Variants in SLC9A9 observed in about 807,000 individuals in gnomAD.
SLC9A9 encodes sodium/hydrogen exchanger 9.
A neutral mutation model predicts 77.8 loss-of-function variants in SLC9A9; 62 were observed. The observed-to-expected ratio is 0.80, with a 90% CI of 0.65 to 0.98. SLC9A9 has a LOEUF of 0.98. SLC9A9 is among the 50% of genes least tolerant of loss of function. The pLI, the probability that SLC9A9 is intolerant of heterozygous loss-of-function variation, is 0.00. For synonymous variants in SLC9A9, 320 were observed against 283.5 expected, an observed-to-expected ratio of 1.13 and a Z score of -1.29; for missense variants, 775 against 774.9, an observed-to-expected ratio of 1.00 and a Z score of 0.00.
chr3:143,559,774 A>G (rs906619697), intron 8 of SLC9A9, among the ~76,000 whole-genome samples: 5 of 152,232 alleles, frequency 3.3e-5, no homozygotes, highest in African/African-American at 4.8e-5. Context: ...CAAATAAGCT[A>G]TGAGGTTTAA....
At chr3:143,503,718 C>A in intron 9 of SLC9A9, 1 of 369,634 alleles carries the variant, frequency 2.7e-6, no homozygotes, top group Admixed American at 3.4e-5. Flanking sequence ...CACCCATGGT[C>A]TTCTAGGTGG....
At position 143,436,831 on chromosome 3, in the gene SLC9A9, T is replaced by G. The variant is rs148768180; in HGVS notation, c.1469+30206A>C. Among the ~76,000 whole-genome samples the G allele has an allele frequency of 3.2e-3, 485 of 152,318 alleles. 2 individuals carry two copies. Among genetic ancestry groups the G allele is most frequent in the African/African-American group, 0.011 (460 of 41,568 alleles). The stretch of plus-strand genomic sequence containing the variant: ...GAGTTGGCTGTGTCTTTGTCAGCAC[T>G]GCCACTCTGCCTAGGTGGGGTCTTC... On this transcript the variant is annotated intron_variant, in intron 12 of 15. Transcript: ENST00000316549.
At chr3:143,804,615 T>C (rs888975901) in intron 2 of SLC9A9, among the ~76,000 whole-genome samples, 16 of 152,224 alleles carry the variant, frequency 1.1e-4, no homozygotes, top group African/African-American at 3.6e-4. Flanking sequence ...TGTGTCTACC[T>C]GCTAACTGGA....
intron 2 of SLC9A9, among the ~76,000 whole-genome samples, chr3:143,825,025 A>C (rs2009263612): frequency 6.6e-6 from 1 of 152,218 alleles, no homozygotes; most frequent in Non-Finnish European, 1.5e-5. Context: ...AGAGAAACAC[A>C]AATCATGGAG....
chr3:143,819,967 C>T (rs1318588549), intron 2 of SLC9A9, among the ~76,000 whole-genome samples: 2 of 152,174 alleles, frequency 1.3e-5, no homozygotes, highest in African/African-American at 2.4e-5. Flanking sequence ...TAGCCAAGGC[C>T]TCGACTCAAA....
intron 14 of SLC9A9, among the ~76,000 whole-genome samples, chr3:143,360,312 ATT>A (rs1352262607): frequency 3.9e-5 from 6 of 152,198 alleles, no homozygotes; most frequent in Non-Finnish European, 8.8e-5. Context: ...CATTAGTTCC[ATT>A]TCTCATCTCT....
At chr3:143,323,845 C>T (rs1369700700) in intron 14 of SLC9A9, among the ~76,000 whole-genome samples, 1 of 152,060 alleles carries the variant, frequency 6.6e-6, no homozygotes, top group African/African-American at 2.4e-5. Flanking sequence ...CATACAGCTC[C>T]ATTTATAATA....
At chr3:143,612,954 A>T (rs568809054) in intron 6 of SLC9A9, among the ~76,000 whole-genome samples, 20 of 152,318 alleles carry the variant, frequency 1.3e-4, no homozygotes, top group East Asian at 3.9e-4. Flanking sequence ...GATATATATT[A>T]AAAAAAGGCC....
At chr3:143,610,659 G>A (rs910650288) in intron 6 of SLC9A9, among the ~76,000 whole-genome samples, 1 of 152,180 alleles carries the variant, frequency 6.6e-6, no homozygotes, top group Non-Finnish European at 1.5e-5. Flanking sequence ...CTGACTACAG[G>A]TTGGTGAAGT....
intron 6 of SLC9A9, chr3:143,627,407 G>T: frequency 4.5e-6 from 1 of 222,668 alleles, no homozygotes; most frequent in South Asian, 7.7e-5. Flanking sequence ...TAGAGACTCT[G>T]AATGTTCCTC....
chr3:143,583,582 T>G (rs1276958823), intron 6 of SLC9A9, among the ~76,000 whole-genome samples: 1 of 152,242 alleles, frequency 6.6e-6, no homozygotes, highest in Non-Finnish European at 1.5e-5. Flanking sequence ...TATGTGAACT[T>G]GAGCAAGTTA....
At chr3:143,544,880 G>A (rs746312516) in intron 9 of SLC9A9, among the ~76,000 whole-genome samples, 27 of 152,190 alleles carry the variant, frequency 1.8e-4, no homozygotes, top group African/African-American at 4.8e-4. Context: ...TCATTCTTCC[G>A]CATGTGGCAA....
At chr3:143,637,854 A>G (rs2038551167) in intron 6 of SLC9A9, among the ~76,000 whole-genome samples, 1 of 152,236 alleles carries the variant, frequency 6.6e-6, no homozygotes, top group Non-Finnish European at 1.5e-5. Flanking sequence ...ATGGAGAAGT[A>G]AAACACATAC....
intron 2 of SLC9A9, among the ~76,000 whole-genome samples, chr3:143,812,108 G>C (rs1227911348): frequency 6.6e-6 from 1 of 152,148 alleles, no homozygotes; most frequent in Non-Finnish European, 1.5e-5. Flanking sequence ...ACTCAAACCT[G>C]TTGAGCTATT....
intron 4 of SLC9A9, among the ~76,000 whole-genome samples, chr3:143,720,917 C>A (rs962212344): frequency 1.3e-5 from 2 of 151,056 alleles, no homozygotes; most frequent in African/African-American, 5.0e-5. Context: ...TTTCCTTAAG[C>A]CTTATATGGT....
At chr3:143,318,187 G>T (rs1368066481) in intron 14 of SLC9A9, among the ~76,000 whole-genome samples, 1 of 152,084 alleles carries the variant, frequency 6.6e-6, no homozygotes, top group Non-Finnish European at 1.5e-5. Context: ...CTACACCTCA[G>T]GTTGTTTCAC....
chr3:143,656,677 T>A (rs2108752630), intron 5 of SLC9A9, among the ~76,000 whole-genome samples: 1 of 152,298 alleles, frequency 6.6e-6, no homozygotes, highest in Non-Finnish European at 1.5e-5. Context: ...ATACAATAGT[T>A]CCTACCCCTG....
intron 9 of SLC9A9, among the ~76,000 whole-genome samples, chr3:143,520,535 C>A (rs969801793): frequency 5.3e-4 from 80 of 152,286 alleles, no homozygotes; most frequent in African/African-American, 1.8e-3. Flanking sequence ...AGATAGTTAA[C>A]AAATAGATCT....
chr3:143,484,517 C>G (rs973471373), intron 11 of SLC9A9, among the ~76,000 whole-genome samples: 2 of 152,170 alleles, frequency 1.3e-5, no homozygotes, highest in African/African-American at 2.4e-5. Context: ...GATGACCTCA[C>G]CTGATTCATC....
Sources: gnomAD v4.1 joint callset for allele counts (sites outside exome capture counted in the v4.1 genomes callset) on GRCh38, gnomAD v4.1.1 for gene constraint, MANE v1.5 for transcripts, NCBI Gene and HGNC (gene_info 2026-07-23, HGNC 2026-07-21) for gene names.